The following TNS3 variants were observed in gnomAD, a reference collection of about 807,000 sequenced individuals.
TNS3 encodes the protein tensin-3.
A neutral mutation model predicts 140.9 loss-of-function variants in TNS3; 45 were observed. The ratio of observed to expected loss-of-function variants is 0.32; its 90% CI spans 0.25 to 0.41. The LOEUF (loss-of-function observed/expected upper bound fraction) is 0.41, where lower values mean the gene tolerates loss of function less well. TNS3 is among the 10% of genes least tolerant of loss of function. The pLI is 1.00. For missense variants in TNS3, 1,716 were observed against 1,906.7 expected (o/e 0.90, Z 1.86); for synonymous variants, 815 against 788.4 (o/e 1.03, Z -0.56).
chr7:47,299,053 A>G (rs1277313201), intron 23 of TNS3, among the ~76,000 whole-genome samples: 5 of 152,248 alleles, frequency 3.3e-5, no homozygotes, highest in Admixed American at 3.3e-4. Flanking sequence ...GGCCCTGGGA[A>G]TAAACCCTGA....
chr7:47,374,410 A>C (rs984000760), intron 16 of TNS3, among the ~76,000 whole-genome samples: 2 of 152,210 alleles, frequency 1.3e-5, no homozygotes, highest in Non-Finnish European at 2.9e-5. Flanking sequence ...GGCTGGGTAA[A>C]TATCTGTCTT....
chr7:47,577,741 G>T (rs1800707867), intron 1 of TNS3, among the ~76,000 whole-genome samples: 1 of 152,216 alleles, frequency 6.6e-6, no homozygotes, highest in Non-Finnish European at 1.5e-5. Flanking sequence ...TACTTGAGTA[G>T]TAAAAGGAAG....
At chr7:47,341,129 C>T (rs1788988397) in intron 20 of TNS3, among the ~76,000 whole-genome samples, 1 of 152,048 alleles carries the variant, frequency 6.6e-6, no homozygotes, top group African/African-American at 2.4e-5. Context: ...TTATATATTG[C>T]TGTGTTCTAT....
At chr7:47,475,621 C>T (rs147267502) in intron 4 of TNS3, among the ~76,000 whole-genome samples, 4 of 152,184 alleles carry the variant, frequency 2.6e-5, no homozygotes, top group African/African-American at 9.7e-5. Context: ...TACATGGCCT[C>T]GGGGTGTCCT....
intron 3 of TNS3, among the ~76,000 whole-genome samples, chr7:47,495,751 A>AT: frequency 6.6e-6 from 1 of 152,346 alleles, no homozygotes; most frequent in East Asian, 1.9e-4. Context: ...GGTGGGTGGC[A>AT]TCCATGTGGA....
At chr7:47,394,266 C>A (rs1792698249) in intron 16 of TNS3, among the ~76,000 whole-genome samples, 1 of 152,178 alleles carries the variant, frequency 6.6e-6, no homozygotes, top group South Asian at 2.1e-4. Flanking sequence ...GAGGCAGGAC[C>A]TTTGGCGGTG....
intron 2 of TNS3, among the ~76,000 whole-genome samples, chr7:47,524,369 C>T (rs1296881284): frequency 1.3e-5 from 2 of 152,258 alleles, no homozygotes; most frequent in Non-Finnish European, 2.9e-5. Flanking sequence ...ACATCCTGAT[C>T]TCTTTCTACT....
intron 1 of TNS3, among the ~76,000 whole-genome samples, chr7:47,572,328 C>T (rs977910755): frequency 3.9e-5 from 6 of 152,202 alleles, no homozygotes; most frequent in Admixed American, 3.3e-4. Context: ...GAGAACCATT[C>T]GCGCGGTAGT....
intron 1 of TNS3, among the ~76,000 whole-genome samples, chr7:47,567,683 CAA>C (rs57071957): frequency 0.026 from 2,195 of 84,952 alleles, 28 homozygotes; most frequent in African/African-American, 0.087. Flanking sequence ...GACTCGGTCT[CAA>C]AAAAAAAAAA....
chr7:47,431,687 C>A (rs1281914918), intron 8 of TNS3, among the ~76,000 whole-genome samples: 1 of 152,024 alleles, frequency 6.6e-6, no homozygotes, highest in Admixed American at 6.6e-5. Context: ...AAACAAAGGT[C>A]AGAGCAGAAA....
At chr7:47,537,103 C>T (rs1799627427) in intron 1 of TNS3, among the ~76,000 whole-genome samples, 1 of 151,918 alleles carries the variant, frequency 6.6e-6, no homozygotes, top group Admixed American at 6.6e-5. Context: ...GGCGCGCAGC[C>T]TCATGGCTGC....
intron 3 of TNS3, among the ~76,000 whole-genome samples, chr7:47,506,456 C>G (rs1562814109): frequency 6.6e-6 from 1 of 152,118 alleles, no homozygotes; most frequent in Non-Finnish European, 1.5e-5. Context: ...AAACCTTACT[C>G]CAGGGTTCCC....
chr7:47,332,433 T>A (rs533270807), intron 20 of TNS3, among the ~76,000 whole-genome samples: 28 of 152,302 alleles, frequency 1.8e-4, no homozygotes, highest in Middle Eastern at 6.8e-3. Flanking sequence ...CTTTTCCTGT[T>A]CAAAGCAGCG....
At chr7:47,538,697 A>G (rs1049545923) in intron 1 of TNS3, among the ~76,000 whole-genome samples, 4 of 152,200 alleles carry the variant, frequency 2.6e-5, no homozygotes. Flanking sequence ...ACTACAAAGG[A>G]AAAAACCTCC....
chr7:47,370,328 C>G (rs2462626), intron 16 of TNS3, among the ~76,000 whole-genome samples: 1 of 151,976 alleles, frequency 6.6e-6, no homozygotes, highest in Non-Finnish European at 1.5e-5. Context: ...AATGTCAATA[C>G]GAAATTCAAT....
In TNS3 at chr7:47,275,878, A is replaced by C; in HGVS notation, c.*2198T>G. 2.2e-6 allele frequency: 1 copy of C among 455,994 alleles called. No individual in the cohort carries two copies. Among genetic ancestry groups the C allele is most frequent in the Non-Finnish European group, 4.4e-6 (1 of 226,786 alleles). 28.2% of individuals were successfully genotyped at this position (455,994 alleles called of 1,614,324 possible). On this transcript the variant is annotated 3_prime_UTR_variant, in exon 31 of 31. Coordinates refer to ENST00000311160, the MANE Select transcript of TNS3 (RefSeq NM_022748.12). ...CATGAGGGCCATCGCGGGCACCCCGATGTCTCTGTGATTCCCTGGCAGGCT... is the reference window on the plus strand; with the variant it reads ...CATGAGGGCCATCGCGGGCACCCCGCTGTCTCTGTGATTCCCTGGCAGGCT...
At chr7:47,564,732 C>CAT (rs147362955) in intron 1 of TNS3, among the ~76,000 whole-genome samples, 48,025 of 149,258 alleles carry the variant, frequency 0.32, 8,296 homozygotes, top group East Asian at 0.53. Context: ...CATGTATACG[C>CAT]ATATATATAT....
intron 2 of TNS3, among the ~76,000 whole-genome samples, chr7:47,518,378 C>A (rs1439624886): frequency 6.6e-6 from 1 of 152,168 alleles, no homozygotes; most frequent in African/African-American, 2.4e-5. Flanking sequence ...TTCTCACTCT[C>A]CTCACAGATC....
intron 1 of TNS3, among the ~76,000 whole-genome samples, chr7:47,552,512 G>A (rs1025876118): frequency 1.3e-5 from 2 of 152,252 alleles, no homozygotes; most frequent in African/African-American, 4.8e-5. Flanking sequence ...TCACATTTTG[G>A]AAGCTCTCAC....
Sources: gnomAD v4.1 joint callset for allele counts (sites outside exome capture counted in the v4.1 genomes callset) on GRCh38, gnomAD v4.1.1 for gene constraint, MANE v1.5 for transcripts, NCBI Gene and HGNC (gene_info 2026-07-23, HGNC 2026-07-21) for gene names.